Variants in LASP1 observed in about 807,000 individuals in gnomAD.
LASP1 encodes LIM and SH3 domain protein 1.
Under a neutral mutation model 38.6 loss-of-function variants are expected in LASP1, and 10 were observed. The ratio of observed to expected loss-of-function variants is 0.26; its 90% CI spans 0.16 to 0.44. LASP1 has a LOEUF of 0.44. Ranked by LOEUF, LASP1 falls within the 20% of genes least tolerant of loss-of-function variation. LASP1 has a pLI of 1.00. For synonymous variants in LASP1, 132 were observed against 140.8 expected (o/e 0.94, Z 0.44); for missense variants, 243 against 375.7 (o/e 0.65, Z 2.92).
At chr17:38,910,373 T>C (rs1914900466) in intron 4 of LASP1, among the ~76,000 whole-genome samples, 1 of 152,164 alleles carries the variant, frequency 6.6e-6, no homozygotes, top group Admixed American at 6.5e-5. Context: ...CCAATAAAAC[T>C]TTATTTCTGG....
intron 5 of LASP1, 86 bp downstream of exon 5, chr17:38,914,561 AC>A: frequency 6.9e-7 from 1 of 1,448,442 alleles, no homozygotes; most frequent in Non-Finnish European, 9.3e-7. Flanking sequence ...ACAGACAGAT[AC>A]ACCTTCCGGA....
At chr17:38,907,684 G>A (rs1009461056) in intron 4 of LASP1, among the ~76,000 whole-genome samples, 1 of 152,142 alleles carries the variant, frequency 6.6e-6, no homozygotes, top group Non-Finnish European at 1.5e-5. Flanking sequence ...CCCAGGAAGG[G>A]TGTCCTGGGT....
At chr17:38,886,129 A>ACT (rs34096382) in intron 2 of LASP1, among the ~76,000 whole-genome samples, 3,132 of 121,352 alleles carry the variant, frequency 0.026, 101 homozygotes, top group African/African-American at 0.088. Context: ...TCTCACTCTC[A>ACT]CTCTCTCTCT....
rs370522876 is a variant in LASP1, at chr17:38,920,409, A to G, written c.*1631A>G. The G allele has an allele frequency of 1.6e-5, 5 of 320,590 alleles. No homozygotes were observed. Among genetic ancestry groups the G allele is most frequent in the African/African-American group, 8.1e-5 (4 of 49,196 alleles). The allele number at this position is 320,590 out of a possible 1,614,324, so 19.9% of individuals were successfully genotyped here. On this transcript the variant is annotated 3_prime_UTR_variant, in exon 7 of 7. Coordinates refer to ENST00000318008, the MANE Select transcript of LASP1 (RefSeq NM_006148.4). ...GGGAGGGAAAGACGGTGCTATATCC[A>G]GTTCCTGCTCTCTGCTCATGGGTGG...
At chr17:38,881,697 G>A (rs1029426093) in intron 2 of LASP1, among the ~76,000 whole-genome samples, 10 of 152,182 alleles carry the variant, frequency 6.6e-5, no homozygotes, top group African/African-American at 1.4e-4. Context: ...TGCAGGACCC[G>A]TAGGGGCACG....
chr17:38,901,577 C>T (rs981769105), intron 4 of LASP1, among the ~76,000 whole-genome samples: 2 of 152,186 alleles, frequency 1.3e-5, no homozygotes, highest in Non-Finnish European at 2.9e-5. Context: ...GGCCTTCTCC[C>T]CTGGCTGCCA....
At chr17:38,879,760 G>A (rs1412826658) in intron 2 of LASP1, among the ~76,000 whole-genome samples, 1 of 151,798 alleles carries the variant, frequency 6.6e-6, no homozygotes, top group Non-Finnish European at 1.5e-5. Flanking sequence ...TCTTTTTAGG[G>A]GCTCGCTCAT....
At chr17:38,905,646 C>T (rs1275028098) in intron 4 of LASP1, among the ~76,000 whole-genome samples, 1 of 151,964 alleles carries the variant, frequency 6.6e-6, no homozygotes, top group Non-Finnish European at 1.5e-5. Context: ...TTCATTTGCT[C>T]CATGTGCTCA....
rs189896931 is a variant in LASP1 at position 38,884,152 on chromosome 17, A to G, written c.164+5972A>G. The stretch of plus-strand genomic sequence containing the variant: ...GCCTGGAACGGGCGAGGCTCTGTGT[A>G]GAAAGGGCGCTGGGCTTTCGGGTTC... On this transcript the variant is annotated intron_variant, in intron 2 of 6. Transcript: ENST00000318008. 3.9e-5 allele frequency among the ~76,000 whole-genome samples: 6 copies of G among 151,950 alleles called. No homozygotes were observed. The East Asian group carries it at 1.2e-3, about 29-fold the overall frequency.
intron 1 of LASP1, among the ~76,000 whole-genome samples, chr17:38,872,128 A>G (rs534114086): frequency 6.6e-6 from 1 of 152,248 alleles, no homozygotes; most frequent in East Asian, 1.9e-4. Context: ...TGCTCCCACC[A>G]GTTTTATGAA....
chr17:38,892,076 G>A (rs573969314), intron 3 of LASP1, among the ~76,000 whole-genome samples: 8 of 152,338 alleles, frequency 5.3e-5, no homozygotes, highest in African/African-American at 1.9e-4. Flanking sequence ...GTGATGGGGT[G>A]AGACCCTGTC....
At chr17:38,895,411 C>G (rs1443287337) in intron 3 of LASP1, among the ~76,000 whole-genome samples, 2 of 151,944 alleles carry the variant, frequency 1.3e-5, no homozygotes, top group East Asian at 3.9e-4. Context: ...ACCTCCGGCT[C>G]CCAGGTTCAA....
chr17:38,875,056 C>T (rs1484901821), intron 1 of LASP1, among the ~76,000 whole-genome samples: 4 of 140,364 alleles, frequency 2.8e-5, no homozygotes, highest in Non-Finnish European at 4.6e-5. Context: ...TGTAGCCCTT[C>T]GTGTGTGTGT....
At chr17:38,882,500 G>A (rs1598106329) in intron 2 of LASP1, among the ~76,000 whole-genome samples, 1 of 152,040 alleles carries the variant, frequency 6.6e-6, no homozygotes, top group Non-Finnish European at 1.5e-5. Flanking sequence ...CACTCGCCTC[G>A]GCCTCCCAAA....
intron 2 of LASP1, among the ~76,000 whole-genome samples, chr17:38,886,804 C>A (rs1914154581): frequency 6.6e-6 from 1 of 152,134 alleles, no homozygotes; most frequent in Admixed American, 6.5e-5. Context: ...GTGTGAGGCA[C>A]AGTGCAGTGT....
At chr17:38,908,295 G>A (rs925035017) in intron 4 of LASP1, among the ~76,000 whole-genome samples, 1 of 152,220 alleles carries the variant, frequency 6.6e-6, no homozygotes, top group Admixed American at 6.5e-5. Context: ...AAGGAAACAA[G>A]GGAAGCTGAC....
intron 4 of LASP1, among the ~76,000 whole-genome samples, chr17:38,913,860 G>T (rs924135354): frequency 1.3e-5 from 2 of 152,134 alleles, no homozygotes; most frequent in African/African-American, 4.8e-5. Flanking sequence ...AAATTAGCTG[G>T]GCGTAGTGGC....
intron 3 of LASP1, among the ~76,000 whole-genome samples, 164 bp from the exon 4 acceptor site, chr17:38,898,248 C>T (rs1476520139): frequency 1.3e-5 from 2 of 152,194 alleles, no homozygotes; most frequent in African/African-American, 4.8e-5. Context: ...GAGTCTAACA[C>T]CTTTTGGCTG....
intron 2 of LASP1, among the ~76,000 whole-genome samples, chr17:38,884,361 A>G (rs1914046460): frequency 6.7e-6 from 1 of 149,346 alleles, no homozygotes; most frequent in Non-Finnish European, 1.5e-5. Flanking sequence ...GGGCCTCTTC[A>G]GTATCATATC....
Sources: gnomAD v4.1 joint callset for allele counts (sites outside exome capture counted in the v4.1 genomes callset) on GRCh38, gnomAD v4.1.1 for gene constraint, MANE v1.5 for transcripts, NCBI Gene and HGNC (gene_info 2026-07-23, HGNC 2026-07-21) for gene names.